The following RNF13 variants were observed in gnomAD, a reference collection of about 807,000 sequenced individuals.
The protein encoded by RNF13 is E3 ubiquitin-protein ligase RNF13.
A neutral mutation model predicts 37.7 loss-of-function variants in RNF13; 19 were observed. That is an observed-to-expected ratio of 0.50 (90% CI 0.35 to 0.74). RNF13 has a LOEUF of 0.74. Among genes scored for constraint, RNF13 ranks in the 30% least tolerant of loss-of-function variants. The pLI is 0.01. For synonymous variants in RNF13, 144 were observed against 157.8 expected (o/e 0.91, Z 0.65); for missense variants, 375 against 453.0 (o/e 0.83, Z 1.56).
At chr3:149,904,211 C>T (rs1716159867) in intron 6 of RNF13, among the ~76,000 whole-genome samples, 1 of 151,964 alleles carries the variant, frequency 6.6e-6, no homozygotes, top group South Asian at 2.1e-4. Flanking sequence ...TTTTATTTTT[C>T]TATGCTGAAA....
At position 149,900,355 on chromosome 3, in the gene RNF13, C is replaced by G. The variant is rs193288469; in HGVS notation, c.410-1717C>G. Among the ~76,000 whole-genome samples, 430 of 151,920 alleles carry G rather than the reference C, an allele frequency of 2.8e-3. 2 individuals carry two copies. The highest frequency in any genetic ancestry group is 9.9e-3 in the African/African-American group (411 of 41,414). Reference sequence around the variant, plus strand: ...AACTCATATGTGGTAGAGAAAATATCTTAGCAAAATAGAAAATATCTCCCA... The same window carrying G: ...AACTCATATGTGGTAGAGAAAATATGTTAGCAAAATAGAAAATATCTCCCA... On this transcript the variant is annotated intron_variant, in intron 5 of 9. Transcript: ENST00000392894.
intron 7 of RNF13, among the ~76,000 whole-genome samples, chr3:149,912,997 A>G (rs1268242664): frequency 6.6e-6 from 1 of 152,178 alleles, no homozygotes; most frequent in Admixed American, 6.5e-5. Context: ...TAGATTTGCA[A>G]AGATATAAAA....
intron 8 of RNF13, among the ~76,000 whole-genome samples, chr3:149,928,244 T>C (rs1212979807): frequency 2.0e-5 from 3 of 152,132 alleles, no homozygotes; most frequent in African/African-American, 7.2e-5. Context: ...AAGAATACAC[T>C]GTCAAATCTA....
intron 1 of RNF13, chr3:149,845,759 G>A: frequency 3.4e-6 from 1 of 295,860 alleles, no homozygotes. Flanking sequence ...ACTGTGGGAG[G>A]ATGTTTGTTT....
chr3:149,932,319 C>A (rs1047753822), intron 8 of RNF13, among the ~76,000 whole-genome samples: 5 of 152,042 alleles, frequency 3.3e-5, no homozygotes, highest in Non-Finnish European at 5.9e-5. Flanking sequence ...ACGAGTGGTC[C>A]CCTTTCTCCC....
At chr3:149,848,717 T>G (rs1722867577) in intron 2 of RNF13, among the ~76,000 whole-genome samples, 1 of 152,000 alleles carries the variant, frequency 6.6e-6, no homozygotes, top group Non-Finnish European at 1.5e-5. Flanking sequence ...GTTGGTTGGT[T>G]GTTTTGTTTT....
chr3:149,939,813 A>G (rs1301917999), intron 8 of RNF13: 4 of 557,376 alleles, frequency 7.2e-6, no homozygotes, highest in Admixed American at 5.9e-5. Flanking sequence ...GGTGACACGC[A>G]CTTAGGTGGG....
At chr3:149,842,690 A>G (rs1369402853) in intron 1 of RNF13, among the ~76,000 whole-genome samples, 1 of 152,282 alleles carries the variant, frequency 6.6e-6, no homozygotes, top group Non-Finnish European at 1.5e-5. Context: ...GAAAAATTCC[A>G]ACAGTAAGAA....
chr3:149,878,541 C>T (rs527435304), intron 4 of RNF13, among the ~76,000 whole-genome samples: 6 of 152,098 alleles, frequency 3.9e-5, no homozygotes, highest in Middle Eastern at 3.4e-3. Flanking sequence ...ATTGATTATT[C>T]GATACTGCAA....
In RNF13 at chr3:149,939,457, T is replaced by G. The variant is rs1476053037; in HGVS notation, c.700+18230T>G. Reference sequence around the variant, plus strand: ...TGCATCTTCCTCCACAGCTACTAAGTGCTGTCCACTAATATGCACTGGCTC... The same window carrying G: ...TGCATCTTCCTCCACAGCTACTAAGGGCTGTCCACTAATATGCACTGGCTC... On this transcript the variant is annotated intron_variant, in intron 8 of 9. Transcript: ENST00000392894. 6 of 558,926 alleles carry G rather than the reference T, an allele frequency of 1.1e-5. No homozygotes were observed. The African/African-American group carries it at 1.1e-4, about 11-fold the overall frequency. 34.6% of individuals were successfully genotyped at this position (558,926 alleles called of 1,614,324 possible). A position where few individuals can be genotyped will look rare whatever the true frequency, so the allele number is the denominator to read the frequency against.
At chr3:149,830,059 CATTAAACCTCTTTTTCTTTATAA>C (rs1392438533) in intron 1 of RNF13, among the ~76,000 whole-genome samples, 2 of 142,004 alleles carry the variant, frequency 1.4e-5, no homozygotes, top group Non-Finnish European at 3.0e-5. Flanking sequence ...GCTGTCAGTC[CATTAAACCTCTTTTTCTTTATAA>C]ATTACCCAGT....
rs528163149 is a variant in RNF13 at position 149,819,313 on chromosome 3, G to A, written c.-17+5960G>A. On this transcript the variant is annotated intron_variant, in intron 1 of 9. Coordinates refer to ENST00000392894, the MANE Select transcript of RNF13 (RefSeq NM_183381.3). ...CAAAATTTGTTGATGCTATTTACCG[G>A]TAAGATTACATTGTAATTTTTTAAA... Among the ~76,000 whole-genome samples the A allele has an allele frequency of 9.9e-5, 15 of 152,168 alleles. No homozygotes were observed. In the South Asian group the frequency reaches 3.1e-3, roughly 32 times the overall value.
At chr3:149,899,206 G>C (rs1035185942) in intron 5 of RNF13, among the ~76,000 whole-genome samples, 2 of 152,200 alleles carry the variant, frequency 1.3e-5, no homozygotes, top group African/African-American at 4.8e-5. Flanking sequence ...AGCACTTTGG[G>C]AGGCCAAGGC....
chr3:149,818,710 G>A lies in RNF13; in HGVS notation c.-17+5357G>A, dbSNP rs77165516. ...GGCAGATCACTTGAGACCAGAGTTCGAGGCCAGCCTGGGCAACATGGTAAA... is the reference window on the plus strand; with the variant it reads ...GGCAGATCACTTGAGACCAGAGTTCAAGGCCAGCCTGGGCAACATGGTAAA... On this transcript the variant is annotated intron_variant, in intron 1 of 9. Coordinates refer to ENST00000392894, the MANE Select transcript of RNF13 (RefSeq NM_183381.3). Among the ~76,000 whole-genome samples the A allele has an allele frequency of 6.0e-4, 92 of 152,130 alleles. 1 individual carries two copies. In the East Asian group the frequency reaches 0.016, roughly 27 times the overall value.
At chr3:149,892,588 G>A (rs1038709478) in intron 4 of RNF13, among the ~76,000 whole-genome samples, 4 of 152,114 alleles carry the variant, frequency 2.6e-5, no homozygotes, top group Admixed American at 2.0e-4. Flanking sequence ...GCGGTGGGCC[G>A]GCAAGCATTA....
chr3:149,863,033 T>C (rs1236410890), intron 3 of RNF13, among the ~76,000 whole-genome samples: 4 of 152,204 alleles, frequency 2.6e-5, no homozygotes, highest in South Asian at 2.1e-4. Context: ...ACAGTACCCT[T>C]ATTAAGGTAT....
chr3:149,812,749 C>CGCGTCA (rs1281037581), upstream of RNF13: 1 of 152,612 alleles, frequency 6.6e-6, no homozygotes, highest in Non-Finnish European at 1.5e-5. Flanking sequence ...AGGGAAGAGA[C>CGCGTCA]GCGTCAGCGC....
chr3:149,948,243 C>T (rs1480204902), intron 8 of RNF13, among the ~76,000 whole-genome samples: 3 of 152,144 alleles, frequency 2.0e-5, no homozygotes, highest in African/African-American at 7.2e-5. Flanking sequence ...GCCACCGTGC[C>T]TGGTCCCCAC....
intron 4 of RNF13, among the ~76,000 whole-genome samples, chr3:149,886,886 G>T (rs1714098646): frequency 6.6e-6 from 1 of 152,288 alleles, no homozygotes; most frequent in Admixed American, 6.5e-5. Context: ...TCATCTCAAA[G>T]TATTGTAAAA....
Sources: allele counts gnomAD v4.1 joint callset (sites outside exome capture counted in the v4.1 genomes callset), GRCh38; gene constraint gnomAD v4.1.1; transcripts MANE v1.5; gene names NCBI Gene and HGNC (gene_info 2026-07-23, HGNC 2026-07-21).